MYH3: variants seen among roughly 807,000 people sequenced by gnomAD.
The protein encoded by MYH3 is myosin heavy chain 3.
Under a neutral mutation model 238.0 loss-of-function variants are expected in MYH3, and 130 were observed. That is an observed-to-expected ratio of 0.55 (90% CI 0.47 to 0.63). MYH3 has a LOEUF of 0.63. Ranked by LOEUF, MYH3 falls within the 30% of genes least tolerant of loss-of-function variation. The probability of loss-of-function intolerance (pLI) is 0.00; values close to 1 mark genes in which losing one functional copy is unlikely to be tolerated. For synonymous variants in MYH3, 880 were observed against 924.1 expected (o/e 0.95, Z 0.86); for missense variants, 1,853 against 2,374.9 (o/e 0.78, Z 4.57).
chr17:10,651,109 C>T (rs552106575), intron 5 of MYH3, among the ~76,000 whole-genome samples: 4 of 140,168 alleles, frequency 2.9e-5, no homozygotes, highest in Non-Finnish European at 4.5e-5. Flanking sequence ...CGCTTGAACC[C>T]GGGAGGCAGA....
chr17:10,677,136 T>C, the MYH3 span: 81 of 152,166 alleles, frequency 5.3e-4, no homozygotes, highest in East Asian at 9.8e-3. Context: ...GAGAAACCCG[T>C]CTCTACTAAA....
intron 40 of MYH3, among the ~76,000 whole-genome samples, 153 bp from the exon 41 acceptor site, chr17:10,628,832 A>C (rs1237854431): frequency 6.6e-6 from 1 of 152,074 alleles, no homozygotes; most frequent in East Asian, 1.9e-4. Context: ...TGCACACATG[A>C]AGTCACCCCA....
intron 3 of MYH3, among the ~76,000 whole-genome samples, chr17:10,653,133 GAAA>G (rs1288579058): frequency 8.5e-5 from 13 of 152,148 alleles, no homozygotes; most frequent in African/African-American, 3.1e-4. Flanking sequence ...ACGGATGTCG[GAAA>G]TGAGAAAAGA....
chr17:10,642,961 G>A lies in MYH3; in HGVS notation c.1446C>T (p.Thr482=), dbSNP rs200087539. 207 of 1,614,040 alleles carry A rather than the reference G, an allele frequency of 1.3e-4. No homozygotes were observed. Among genetic ancestry groups the A allele is most frequent in the Non-Finnish European group, 1.7e-4 (200 of 1,180,032 alleles). The change falls in exon 15 of 41, where the codon ACC becomes ACT. Residue 482 remains threonine, a synonymous_variant. Coordinates refer to ENST00000583535, the MANE Select transcript of MYH3 (RefSeq NM_002470.4). The surrounding 1 kb of genome is among the most constrained non-coding windows in gnomAD (Gnocchi z 5.4). ...TGAAAAACTGTTGCAGTTTCTCATT[G>A]GTGAAGTTGATGCACAGCTGCTCCA... ...NSLEQLCINF[T]NEKLQQFFNH...
At chr17:10,647,518 C>G in intron 8 of MYH3, 92 bp from the exon 9 acceptor site, 1 of 1,401,240 alleles carries the variant, frequency 7.1e-7, no homozygotes, top group Non-Finnish European at 1.0e-6. Context: ...GGAGCCTAGT[C>G]CCCCTAAAAT....
At chr17:10,670,500 G>A in the MYH3 span, among the ~76,000 whole-genome samples, 1 of 152,094 alleles carries the variant, frequency 6.6e-6, no homozygotes, top group Non-Finnish European at 1.5e-5. The surrounding 1 kb of genome is among the most constrained non-coding windows in gnomAD (Gnocchi z 7.0). Context: ...TTGAGATGGG[G>A]GTCTCACTGT....
intron 7 of MYH3, among the ~76,000 whole-genome samples, chr17:10,649,318 T>C (rs2074352853): frequency 6.6e-6 from 1 of 152,200 alleles, no homozygotes; most frequent in Non-Finnish European, 1.5e-5. Context: ...AAGAACAAGC[T>C]CTCTGAGCCG....
chr17:10,645,605 G>T (rs2074313539), intron 12 of MYH3, 102 bp downstream of exon 12: 1 of 1,443,632 alleles, frequency 6.9e-7, no homozygotes, highest in South Asian at 1.1e-5. Context: ...TTACAGGTGT[G>T]AGCCACTGTG....
the MYH3 span, among the ~76,000 whole-genome samples, chr17:10,669,865 T>C: frequency 6.6e-6 from 1 of 151,942 alleles, no homozygotes; most frequent in African/African-American, 2.4e-5. Flanking sequence ...GAGCCACGAC[T>C]GCACCACTGC....
chr17:10,632,335 T>C (rs1363952518), intron 34 of MYH3, 141 bp downstream of exon 34: 29 of 999,724 alleles, frequency 2.9e-5, no homozygotes, highest in Non-Finnish European at 4.1e-5. Context: ...CCCAGGCTGG[T>C]ATCAAACTCC....
chr17:10,659,604 C>T (rs1342157100), upstream of MYH3, among the ~76,000 whole-genome samples: 1 of 152,206 alleles, frequency 6.6e-6, no homozygotes, highest in Non-Finnish European at 1.5e-5. Flanking sequence ...TTCAAAGAGG[C>T]ATTCGTCTGT....
rs368575273 is a variant in MYH3 at position 10,631,359 on chromosome 17, T to C, written c.5286+252A>G. On this transcript the variant is annotated intron_variant, in intron 36 of 40. Transcript: ENST00000583535. ...GTTTTCATATTTGGAATAAGTCAGA[T>C]GTTGAAGGAAAGACATGCACACCTC... 1.2e-4 allele frequency among the ~76,000 whole-genome samples: 18 copies of C among 152,310 alleles called. No individual in the cohort carries two copies. In the East Asian group the frequency reaches 2.9e-3, roughly 25 times the overall value.
chr17:10,655,152 C>T (rs552345727), intron 2 of MYH3, 80 bp from the exon 3 acceptor site: 26 of 1,153,512 alleles, frequency 2.3e-5, no homozygotes, highest in Non-Finnish European at 3.1e-5. Flanking sequence ...TCAGCCTCCA[C>T]CCTGCCCTCC....
At chr17:10,658,438 G>A (rs903564407), upstream of MYH3, 17 of 152,230 alleles carry the variant, frequency 1.1e-4, no homozygotes, top group African/African-American at 3.1e-4. Flanking sequence ...GCAGGGCTGC[G>A]GTCTCAGGGC....
chr17:10,675,992 C>T, the MYH3 span: 1 of 152,200 alleles, frequency 6.6e-6, no homozygotes. Flanking sequence ...AACGAGTTTA[C>T]ACTGACTGGA....
At chr17:10,665,809 C>T in the MYH3 span, among the ~76,000 whole-genome samples, 1 of 152,018 alleles carries the variant, frequency 6.6e-6, no homozygotes, top group Non-Finnish European at 1.5e-5. Flanking sequence ...AAAGAAAATA[C>T]TGAAAAAAGA....
Position 10,630,313 on chromosome 17 carries a change from T to G in MYH3, c.5432A>C (p.Lys1811Thr). ...CCTGGTCTCCAGTTTCTGGATCTGC[T>G]TCTTCCCGCCCTTCAGCGCCAGCTG... ...AEQLALKGGK[K>T]QIQKLETRIR... The change falls in exon 37 of 41, where the codon AAG (lysine) becomes ACG (threonine). Residue 1811 changes from lysine (K) to threonine (T), a missense_variant. Physicochemically the swap from Lys to Thr is moderately conservative, Grantham distance 78. Around this residue, in one of 3 missense-constraint regions of MYH3, gnomAD observed 1,044 missense variants for 1,192.6 expected, o/e 0.88. Transcript: ENST00000583535. 6.2e-7 allele frequency: 1 copy of G among 1,614,214 alleles called. No homozygotes were observed. The highest frequency in any genetic ancestry group is 8.5e-7 in the Non-Finnish European group (1 of 1,180,040).
chr17:10,635,361 G>T lies in MYH3; in HGVS notation c.4172+6C>A. 6.2e-7 allele frequency: 1 copy of T among 1,614,020 alleles called. No homozygotes were observed. Among genetic ancestry groups the T allele is most frequent in the Non-Finnish European group, 8.5e-7 (1 of 1,179,874 alleles). The stretch of plus-strand genomic sequence containing the variant: ...AGTTCTTCTAAAAGCAAACAGAGCT[G>T]CGCACTTGGCCTCCTCCAGCTCTTC... On this transcript the variant is annotated splice_donor_region_variant and intron_variant, in intron 30 of 40. Coordinates refer to ENST00000583535, the MANE Select transcript of MYH3 (RefSeq NM_002470.4).
At chr17:10,638,793 T>C in intron 26 of MYH3, 80 bp downstream of exon 26, 1 of 1,441,848 alleles carries the variant, frequency 6.9e-7, no homozygotes, top group Non-Finnish European at 9.7e-7. Context: ...GCCCACTTTC[T>C]CTAAATGGCT....
Sources: gnomAD v4.1 joint callset for allele counts (sites outside exome capture counted in the v4.1 genomes callset) on GRCh38, gnomAD v4.1.1 for gene constraint, gnomAD v4.1.1 regional missense constraint, Gnocchi (gnomAD v3.1) non-coding constraint, MANE v1.5 for transcripts, NCBI Gene and HGNC (gene_info 2026-07-23, HGNC 2026-07-21) for gene names.